The following CNTNAP2 variants were observed in gnomAD, a reference collection of about 807,000 sequenced individuals.
The protein encoded by CNTNAP2 is contactin associated protein 2.
Under a neutral mutation model 155.2 loss-of-function variants are expected in CNTNAP2, and 98 were observed. The observed-to-expected ratio is 0.63, with a 90% CI of 0.54 to 0.75. CNTNAP2 has a LOEUF of 0.75. Among genes scored for constraint, CNTNAP2 ranks in the 30% least tolerant of loss-of-function variants. The pLI, the probability that CNTNAP2 is intolerant of heterozygous loss-of-function variation, is 0.00. For missense variants in CNTNAP2, 1,727 were observed against 1,688.1 expected, an observed-to-expected ratio of 1.02 and a Z score of -0.40; for synonymous variants, 651 against 631.2, an observed-to-expected ratio of 1.03 and a Z score of -0.47.
intron 13 of CNTNAP2, among the ~76,000 whole-genome samples, chr7:147,819,997 AT>A (rs902382221): frequency 4.5e-4 from 68 of 152,170 alleles, no homozygotes; most frequent in African/African-American, 1.6e-3. Context: ...TTATAGATCT[AT>A]TTTTTTAAAA....
chr7:146,904,664 G>T (rs1016291294), intron 3 of CNTNAP2, among the ~76,000 whole-genome samples: 1 of 152,054 alleles, frequency 6.6e-6, no homozygotes, highest in African/African-American at 2.4e-5. Flanking sequence ...GTAGAGACGG[G>T]GTTTCACTGT....
chr7:148,295,781 G>A (rs1797272137), intron 21 of CNTNAP2, among the ~76,000 whole-genome samples: 1 of 152,104 alleles, frequency 6.6e-6, no homozygotes, highest in East Asian at 1.9e-4. Flanking sequence ...ATGAGCCAAC[G>A]CGCCCGGCCT....
At position 146,573,203 on chromosome 7, in the gene CNTNAP2, C is replaced by A. The variant is rs368258834; in HGVS notation, c.98-201068C>A. 1.3e-4 allele frequency among the ~76,000 whole-genome samples: 20 copies of A among 152,186 alleles called. 1 individual carries two copies. The South Asian group carries it at 4.1e-3, about 32-fold the overall frequency. On this transcript the variant is annotated intron_variant, in intron 1 of 23. Transcript: ENST00000361727. The stretch of plus-strand genomic sequence containing the variant: ...CTGTCTCCAGGCTGGAGTGCAGTGG[C>A]ACAATCTCGGCTCACTGCAGCCTCT...
At chr7:148,350,156 T>C (rs962454266) in intron 21 of CNTNAP2, among the ~76,000 whole-genome samples, 1 of 152,174 alleles carries the variant, frequency 6.6e-6, no homozygotes, top group African/African-American at 2.4e-5. Context: ...AATGGGCAGA[T>C]TGAAGATGTA....
chr7:146,488,363 G>C (rs368899478), intron 1 of CNTNAP2, among the ~76,000 whole-genome samples: 1 of 148,008 alleles, frequency 6.8e-6, no homozygotes, highest in Non-Finnish European at 1.5e-5. Flanking sequence ...TTATTCAAGA[G>C]TTATAAGTAG....
At chr7:146,125,581 CAAAAAAAAAAAAAAA>C (rs57234097) in intron 1 of CNTNAP2, among the ~76,000 whole-genome samples, 6 of 58,874 alleles carry the variant, frequency 1.0e-4, no homozygotes, top group Non-Finnish European at 1.9e-4. Flanking sequence ...ACTCCGTCTC[CAAAAAAAAAAAAAAA>C]AAAAAAAAAA....
intron 8 of CNTNAP2, among the ~76,000 whole-genome samples, chr7:147,206,726 T>C (rs1030006581): frequency 1.3e-5 from 2 of 152,194 alleles, no homozygotes; most frequent in African/African-American, 2.4e-5. Flanking sequence ...AAAAGATTCC[T>C]ATTTTTTGAC....
At chr7:146,721,253 C>T (rs1398286057) in intron 1 of CNTNAP2, among the ~76,000 whole-genome samples, 1 of 131,444 alleles carries the variant, frequency 7.6e-6, no homozygotes, top group Non-Finnish European at 1.5e-5. Context: ...TCTATATTCT[C>T]TATATACTCT....
chr7:146,901,775 G>A (rs1796006997), intron 3 of CNTNAP2, among the ~76,000 whole-genome samples: 1 of 150,372 alleles, frequency 6.7e-6, no homozygotes, highest in Non-Finnish European at 1.5e-5. Flanking sequence ...GCTAACAATT[G>A]TATTGTTTAT....
At chr7:146,210,490 T>TA (rs1336886185) in intron 1 of CNTNAP2, among the ~76,000 whole-genome samples, 1 of 152,082 alleles carries the variant, frequency 6.6e-6, no homozygotes, top group East Asian at 1.9e-4. Context: ...TTTTAGTAGA[T>TA]ACGGGGTTTC....
chr7:147,102,381 A>C (rs1331409407), intron 4 of CNTNAP2, among the ~76,000 whole-genome samples: 1 of 151,996 alleles, frequency 6.6e-6, no homozygotes, highest in South Asian at 2.1e-4. Context: ...AGAAAGAATT[A>C]TATGTTGAGC....
chr7:146,753,035 T>C (rs944527746), intron 1 of CNTNAP2, among the ~76,000 whole-genome samples: 2 of 152,178 alleles, frequency 1.3e-5, no homozygotes, highest in Admixed American at 1.3e-4. Flanking sequence ...CTGACTTTTA[T>C]GGATTCAAGT....
intron 13 of CNTNAP2, among the ~76,000 whole-genome samples, chr7:147,732,983 T>C (rs1796770780): frequency 6.6e-6 from 1 of 152,210 alleles, no homozygotes; most frequent in Non-Finnish European, 1.5e-5. Flanking sequence ...ATTGTGTAGG[T>C]TGCCAGTTCA....
intron 3 of CNTNAP2, among the ~76,000 whole-genome samples, chr7:147,034,606 GT>G: frequency 6.6e-6 from 1 of 152,280 alleles, no homozygotes; most frequent in South Asian, 2.1e-4. Flanking sequence ...TCTTGCCTTG[GT>G]GTATCAGAAA....
intron 4 of CNTNAP2, among the ~76,000 whole-genome samples, chr7:147,105,367 T>C (rs766495481): frequency 6.6e-6 from 1 of 151,970 alleles, no homozygotes; most frequent in East Asian, 1.9e-4. Flanking sequence ...GCCATTATTG[T>C]TCAGATTGCT....
chr7:146,953,839 C>CA (rs914220060), intron 3 of CNTNAP2, among the ~76,000 whole-genome samples: 2 of 151,044 alleles, frequency 1.3e-5, no homozygotes, highest in Admixed American at 1.3e-4. Flanking sequence ...TTTCAGATAC[C>CA]AAAAAAAGGG....
chr7:148,224,302 C>CAAA lies in CNTNAP2; in HGVS notation c.3248-5344_3248-5343insAAA, dbSNP rs1206087633. On this transcript the variant is annotated intron_variant, in intron 19 of 23. Transcript: ENST00000361727. ...ATCTCCGTCATTCCCAAACAATGGA[C>CAAA]TATTTTAATGCTATTGGGTAAAGGA... Among the ~76,000 whole-genome samples the CAAA allele has an allele frequency of 4.5e-3, 679 of 152,220 alleles. 19 individuals carry two copies. In the East Asian group the frequency reaches 0.085, roughly 19 times the overall value.
intron 1 of CNTNAP2, among the ~76,000 whole-genome samples, chr7:146,494,135 C>A (rs1797178924): frequency 6.6e-6 from 1 of 152,062 alleles, no homozygotes; most frequent in Non-Finnish European, 1.5e-5. Flanking sequence ...GAGATCGAGA[C>A]CATCCTGGCT....
At chr7:148,129,047 C>G (rs1160674388) in intron 16 of CNTNAP2, among the ~76,000 whole-genome samples, 2 of 152,112 alleles carry the variant, frequency 1.3e-5, no homozygotes, top group African/African-American at 4.8e-5. Context: ...GGGCCCACAT[C>G]CTGGATTCCA....
Sources: gnomAD v4.1 joint callset for allele counts (sites outside exome capture counted in the v4.1 genomes callset) on GRCh38, gnomAD v4.1.1 for gene constraint, MANE v1.5 for transcripts, NCBI Gene and HGNC (gene_info 2026-07-23, HGNC 2026-07-21) for gene names.